The following SMC5 variants were observed in gnomAD, a reference collection of about 807,000 sequenced individuals.
The protein encoded by SMC5 is structural maintenance of chromosomes protein 5.
In SMC5, 88 loss-of-function variants were observed where a neutral mutation model predicts 148.3. The ratio of observed to expected loss-of-function variants is 0.59; its 90% CI spans 0.50 to 0.71. The LOEUF (loss-of-function observed/expected upper bound fraction) is 0.71, where lower values mean the gene tolerates loss of function less well. Among genes scored for constraint, SMC5 ranks in the 30% least tolerant of loss-of-function variants. The pLI is 0.00. For synonymous variants in SMC5, 421 were observed against 432.8 expected, an observed-to-expected ratio of 0.97 and a Z score of 0.34; for missense variants, 1,142 against 1,298.9, an observed-to-expected ratio of 0.88 and a Z score of 1.86.
At chr9:70,341,700 C>T (rs1186907586) in intron 17 of SMC5, among the ~76,000 whole-genome samples, 1 of 152,128 alleles carries the variant, frequency 6.6e-6, no homozygotes, top group Non-Finnish European at 1.5e-5. Context: ...ATACAGGTGT[C>T]CCCAGTTAGA....
intron 17 of SMC5, among the ~76,000 whole-genome samples, chr9:70,331,108 G>T (rs2036207085): frequency 6.6e-6 from 1 of 152,090 alleles, no homozygotes; most frequent in Non-Finnish European, 1.5e-5. Flanking sequence ...GAAAAAGTTA[G>T]GTTCACATAC....
intron 2 of SMC5, 91 bp downstream of exon 2, chr9:70,264,536 G>A: frequency 3.8e-6 from 5 of 1,329,158 alleles, no homozygotes; most frequent in East Asian, 2.4e-5. Flanking sequence ...CTTGGGTATA[G>A]CAAACTTAAT....
At chr9:70,282,674 T>C (rs2034783858) in intron 7 of SMC5, 91 bp downstream of exon 7, 2 of 1,262,260 alleles carry the variant, frequency 1.6e-6, no homozygotes, top group Non-Finnish European at 2.1e-6. Context: ...TTTTCAAGGG[T>C]TTTCTTGTAT....
At chr9:70,347,223 A>G in intron 20 of SMC5, 62 bp downstream of exon 20, 1 of 1,294,784 alleles carries the variant, frequency 7.7e-7, no homozygotes, top group Non-Finnish European at 1.1e-6. Flanking sequence ...CCCCATACAC[A>G]CACATACACA....
At chr9:70,348,855 G>A (rs1402084538) in intron 22 of SMC5, among the ~76,000 whole-genome samples, 2 of 152,062 alleles carry the variant, frequency 1.3e-5, no homozygotes, top group African/African-American at 4.8e-5. Context: ...CCCACTTTGG[G>A]AGGCCAAGGC....
intron 18 of SMC5, chr9:70,346,297 A>T (rs531115154): frequency 2.8e-6 from 1 of 358,230 alleles, no homozygotes; most frequent in African/African-American, 2.1e-5. Context: ...TAAGTTTAAG[A>T]TATTAGATTA....
chr9:70,286,335 A>G (rs2034901546), intron 8 of SMC5, 64 bp downstream of exon 8: 2 of 992,922 alleles, frequency 2.0e-6, no homozygotes, highest in Admixed American at 1.9e-5. Flanking sequence ...TTTCAAATAC[A>G]GATTATGAGA....
At chr9:70,312,142 A>C (rs1031908150) in intron 11 of SMC5, 12 of 153,762 alleles carry the variant, frequency 7.8e-5, no homozygotes, top group African/African-American at 2.7e-4. Context: ...AAAAAAAAAA[A>C]AAAAAACTTC....
intron 17 of SMC5, among the ~76,000 whole-genome samples, chr9:70,342,146 A>C (rs1199565622): frequency 6.6e-6 from 1 of 150,756 alleles, no homozygotes; most frequent in Non-Finnish European, 1.5e-5. Flanking sequence ...AGGACAAAAA[A>C]CCAAACACCG....
intron 3 of SMC5, among the ~76,000 whole-genome samples, chr9:70,275,043 G>C (rs2034550770): frequency 6.6e-6 from 1 of 152,000 alleles, no homozygotes; most frequent in South Asian, 2.1e-4. Flanking sequence ...CTGCCAAAAG[G>C]ATATTTGAAG....
At chr9:70,352,036 G>T (rs532655339) in intron 24 of SMC5, among the ~76,000 whole-genome samples, 155 bp from the exon 25 acceptor site, 6 of 152,134 alleles carry the variant, frequency 3.9e-5, no homozygotes, top group African/African-American at 1.4e-4. Context: ...AGCTGAGATC[G>T]CACCTCTGTA....
At position 70,339,992 on chromosome 9, in the gene SMC5, C is replaced by G. The variant is rs546908877; in HGVS notation, c.2398-4152C>G. Among the ~76,000 whole-genome samples the G allele has an allele frequency of 3.9e-3, 597 of 152,206 alleles. 3 individuals carry two copies. The highest frequency in any genetic ancestry group is 0.013 in the African/African-American group (551 of 41,530). ...CCATGGGCAGGTTTCCTAACCACTC[C>G]AAGCTTAATCATTCTCTGCAGCCAT... On this transcript the variant is annotated intron_variant, in intron 17 of 24. Coordinates refer to ENST00000361138, the MANE Select transcript of SMC5 (RefSeq NM_015110.4).
At chr9:70,309,318 C>CTTTGTTT (rs2035594496) in intron 11 of SMC5, among the ~76,000 whole-genome samples, 1 of 79,180 alleles carries the variant, frequency 1.3e-5, no homozygotes, top group Non-Finnish European at 2.3e-5. Flanking sequence ...TTTCCTTTTC[C>CTTTGTTT]TTTTTTTTTT....
intron 8 of SMC5, 137 bp downstream of exon 8, chr9:70,286,408 G>C (rs1329186180): frequency 1.7e-6 from 1 of 585,590 alleles, no homozygotes; most frequent in Non-Finnish European, 3.0e-6. Context: ...CCGAGGGAAA[G>C]TAAGATTTGG....
rs374927227 is a variant in SMC5, at chr9:70,324,135, C to T, written c.2389C>T (p.Leu797Phe). 43 of 1,586,552 alleles carry T rather than the reference C, an allele frequency of 2.7e-5. No homozygotes were observed. The Middle Eastern group carries it at 1.6e-3, about 59-fold the overall frequency. The change falls in exon 17 of 25, where the codon CTT becomes TTT. Residue 797 changes from leucine (L) to phenylalanine (F), a missense_variant. Transcript: ENST00000361138. Reference sequence around the variant, plus strand: ...TATGGCCGCATCTTCACAACTCCGTCTTACAGAGGTAAAATTTTTGCCTTT... The same window carrying T: ...TATGGCCGCATCTTCACAACTCCGTTTTACAGAGGTAAAATTTTTGCCTTT... ...DYMAASSQLRLTEQHFIELDE... is the reference protein window; with the variant it reads ...DYMAASSQLRFTEQHFIELDE...
rs1195424226 is a variant in SMC5 at position 70,297,961 on chromosome 9, A to G, written c.1054-5A>G. 6.2e-7 allele frequency: 1 copy of G among 1,608,442 alleles called. No homozygotes were observed. Among genetic ancestry groups the G allele is most frequent in the African/African-American group, 1.3e-5 (1 of 74,442 alleles). On this transcript the variant is annotated splice_polypyrimidine_tract_variant and splice_region_variant and intron_variant, in intron 8 of 24. Coordinates refer to ENST00000361138, the MANE Select transcript of SMC5 (RefSeq NM_015110.4). ...TCAAGTACTAACCTACTTTTGTTTT[A>G]TTAGATTGAGGAACTTCAGCAGGCT...
At chr9:70,322,181 A>G (rs2035964932) in intron 15 of SMC5, among the ~76,000 whole-genome samples, 1 of 150,652 alleles carries the variant, frequency 6.6e-6, no homozygotes, top group Non-Finnish European at 1.5e-5. Flanking sequence ...AGCAAGATAT[A>G]TCTATTTAGT....
Position 70,267,943 on chromosome 9 carries a change from AGG to A in SMC5, c.349_350del (p.Gly117MetfsTer3). ...CTTAGGTTGGGTTTTTTGTGAAGAG[AGG>A]ATGTTCTAGAGGCATGGTTGAAATT... The part of the protein sequence containing the change: ...ADKVGFFVKR[G>X]CSRGMVEIEL... On this transcript the variant is annotated frameshift_variant, in exon 3 of 25. Coordinates refer to ENST00000361138, the MANE Select transcript of SMC5 (RefSeq NM_015110.4). LOFTEE classifies it high-confidence loss of function. 2 of 1,613,328 alleles carry A rather than the reference AGG, an allele frequency of 1.2e-6. No homozygotes were observed. Among genetic ancestry groups the A allele is most frequent in the Non-Finnish European group, 1.7e-6 (2 of 1,179,738 alleles).
intron 8 of SMC5, among the ~76,000 whole-genome samples, chr9:70,287,008 C>A (rs991043369): frequency 2.8e-4 from 42 of 152,062 alleles, no homozygotes; most frequent in African/African-American, 9.9e-4. Context: ...TGAGCCACTG[C>A]CCCTGACTGG....
Sources: gnomAD v4.1 joint callset for allele counts (sites outside exome capture counted in the v4.1 genomes callset) on GRCh38, gnomAD v4.1.1 for gene constraint, MANE v1.5 for transcripts, NCBI Gene and HGNC (gene_info 2026-07-23, HGNC 2026-07-21) for gene names.